DDX55: variants seen among roughly 807,000 people sequenced by gnomAD.
DDX55 encodes DEAD-box helicase 55.
DDX55 carries 56 observed loss-of-function variants against 69.2 expected under a neutral mutation model. The ratio of observed to expected loss-of-function variants is 0.81; its 90% CI spans 0.65 to 1.01. The LOEUF is 1.01. Among genes scored for constraint, DDX55 ranks in the 50% least tolerant of loss-of-function variants. DDX55 has a pLI of 0.00. For missense variants in DDX55, 720 were observed against 745.1 expected, an observed-to-expected ratio of 0.97 and a Z score of 0.39; for synonymous variants, 268 against 273.1, an observed-to-expected ratio of 0.98 and a Z score of 0.18.
intron 6 of DDX55, among the ~76,000 whole-genome samples, chr12:123,609,380 T>G (rs182490215): frequency 0.011 from 1,704 of 150,432 alleles, 18 homozygotes; most frequent in Middle Eastern, 0.045. Context: ...GTTTTTTTTT[T>G]TTTTTTTTTT....
chr12:123,603,666 A>T (rs987987417), intron 1 of DDX55, among the ~76,000 whole-genome samples: 5 of 152,108 alleles, frequency 3.3e-5, no homozygotes, highest in African/African-American at 1.2e-4. Flanking sequence ...CTGGGATTAC[A>T]GGCTGAGCTA....
Position 123,616,466 on chromosome 12 carries a change from A to C in DDX55, c.957-45A>C, listed in dbSNP as rs757827768. On this transcript the variant is annotated intron_variant, in intron 9 of 13. Transcript: ENST00000238146. ...TCAGTAGGCTGTTTGATGGTGATGA[A>C]GATGGTGGCCTCCTTACTCAGAATG... 3.8e-6 allele frequency: 6 copies of C among 1,571,646 alleles called. No homozygotes were observed. In the South Asian group the frequency reaches 6.6e-5, roughly 17 times the overall value.
chr12:123,617,279 A>G (rs1239479406), intron 10 of DDX55, among the ~76,000 whole-genome samples: 1 of 152,260 alleles, frequency 6.6e-6, no homozygotes, highest in Non-Finnish European at 1.5e-5. Context: ...GAAACACACA[A>G]TAGAATGTCT....
chr12:123,611,348 C>T (rs1020230715), intron 7 of DDX55, among the ~76,000 whole-genome samples: 2 of 152,084 alleles, frequency 1.3e-5, no homozygotes, highest in South Asian at 4.1e-4. Flanking sequence ...TGGGATGGGC[C>T]AGGAGGCACA....
intron 8 of DDX55, among the ~76,000 whole-genome samples, chr12:123,614,847 G>A (rs547871109): frequency 7.9e-5 from 12 of 152,282 alleles, no homozygotes; most frequent in African/African-American, 2.6e-4. Context: ...TGGCTAAGAT[G>A]TCATTGCTTT....
At chr12:123,618,418 A>G (rs771542267) in intron 11 of DDX55, 43 of 1,086,558 alleles carry the variant, frequency 4.0e-5, no homozygotes, top group Non-Finnish European at 5.6e-5. Context: ...ACTTCTTGTG[A>G]ATAGAGACCC....
rs934307332 is a variant in DDX55 at position 123,620,343 on chromosome 12, G to C, written c.*203G>C. ...CTAAAAACATTCCAGTCTTGGCCGG[G>C]TGCGGTGGCTCCTGCCTATAATCCC... On this transcript the variant is annotated 3_prime_UTR_variant, in exon 14 of 14. Coordinates refer to ENST00000238146, the MANE Select transcript of DDX55 (RefSeq NM_020936.3). 8.1e-5 allele frequency: 38 copies of C among 468,356 alleles called. No homozygotes were observed. Among genetic ancestry groups the C allele is most frequent in the African/African-American group, 6.3e-4 (32 of 50,964 alleles). 29.0% of individuals were successfully genotyped at this position (468,356 alleles called of 1,614,324 possible).
chr12:123,610,028 G>A lies in DDX55; in HGVS notation c.641G>A (p.Arg214Lys). ...ACGCAGGAAGTGGAGAACCTGGTGAGAGCGGGCCTCCGGAACCCTGTCCGG... is the reference window on the plus strand; with the variant it reads ...ACGCAGGAAGTGGAGAACCTGGTGAAAGCGGGCCTCCGGAACCCTGTCCGG... ...TQTQEVENLV[R>K]AGLRNPVRVS... The change falls in exon 7 of 14, where the codon AGA (arginine) becomes AAA (lysine). Residue 214 changes from arginine to lysine, a missense_variant. Transcript: ENST00000238146. 1.2e-6 allele frequency: 2 copies of A among 1,614,196 alleles called. No homozygotes were observed. Among genetic ancestry groups the A allele is most frequent in the Non-Finnish European group, 1.7e-6 (2 of 1,180,046 alleles).
chr12:123,605,824 G>A (rs890046372), intron 1 of DDX55, 107 bp from the exon 2 acceptor site: 1 of 1,463,160 alleles, frequency 6.8e-7, no homozygotes, highest in Non-Finnish European at 9.6e-7. Flanking sequence ...CCCTTTTGTG[G>A]TGGGACCCAC....
chr12:123,608,396 G>A (rs955060513), intron 5 of DDX55: 2 of 307,098 alleles, frequency 6.5e-6, no homozygotes, highest in Non-Finnish European at 1.2e-5. Context: ...AATGGGCGTG[G>A]TTTTCTGCCA....
chr12:123,616,158 T>C (rs1374999173), intron 9 of DDX55, among the ~76,000 whole-genome samples: 1 of 150,752 alleles, frequency 6.6e-6, no homozygotes, highest in Non-Finnish European at 1.5e-5. Flanking sequence ...ATTAAAAGTC[T>C]TCTTTTGGAC....
At chr12:123,615,356 A>G in intron 9 of DDX55, 40 bp downstream of exon 9, 5 of 1,608,620 alleles carry the variant, frequency 3.1e-6, no homozygotes, top group Non-Finnish European at 4.2e-6. Context: ...CTCCTGCCAC[A>G]CTGCTCTTTC....
intron 7 of DDX55, 50 bp from the exon 8 acceptor site, chr12:123,613,120 A>T (rs1458395811): frequency 1.3e-6 from 2 of 1,582,456 alleles, no homozygotes; most frequent in Non-Finnish European, 1.7e-6. Context: ...AGCCATGGGG[A>T]TTATTATTGC....
chr12:123,607,802 C>G (rs999531037), intron 5 of DDX55, 140 bp downstream of exon 5: 2 of 1,175,624 alleles, frequency 1.7e-6, no homozygotes, highest in African/African-American at 3.0e-5. Flanking sequence ...TCCAGGCCAG[C>G]TTCCCATTGT....
chr12:123,619,769 T>C (rs1955007604), intron 13 of DDX55, 45 bp downstream of exon 13: 3 of 1,536,200 alleles, frequency 2.0e-6, no homozygotes, highest in African/African-American at 1.4e-5. Context: ...CTTGAACAAA[T>C]TTATTGTAGT....
Position 123,617,861 on chromosome 12 carries a change from A to T in DDX55, c.1153A>T (p.Ile385Phe), listed in dbSNP as rs748310118. Residue 385 changes from isoleucine (I) to phenylalanine (F), a missense_variant, in exon 11 of 14, where the codon ATT becomes TTT. Transcript: ENST00000238146. ...MEESYINFLA[I>F]NQKCPLQEMK... ...AGAGTCATACATCAATTTCCTTGCA[A>T]TTAACCAAAAAGTAAGCTGCCGTCC... 1 of 1,614,108 alleles carries T rather than the reference A, an allele frequency of 6.2e-7. No individual in the cohort carries two copies. The highest frequency in any genetic ancestry group is 1.7e-5 in the Admixed American group (1 of 60,020).
chr12:123,607,953 A>C, intron 5 of DDX55: 1 of 467,162 alleles, frequency 2.1e-6, no homozygotes, highest in Non-Finnish European at 3.9e-6. Context: ...GCTGCCTTGA[A>C]TACTCAGCTC....
chr12:123,619,849 G>C (rs746455199), intron 13 of DDX55, 115 bp from the exon 14 acceptor site: 2 of 1,519,836 alleles, frequency 1.3e-6, no homozygotes, highest in Non-Finnish European at 1.7e-6. Flanking sequence ...TGGGGAATTT[G>C]CTCTATTTGC....
rs1954113378 is a variant in DDX55 at position 123,610,006 on chromosome 12, C to T, written c.619C>T (p.Gln207Ter). The T allele has an allele frequency of 4.3e-6, 7 of 1,614,034 alleles. No homozygotes were observed. Among genetic ancestry groups the T allele is most frequent in the Non-Finnish European group, 5.9e-6 (7 of 1,180,044 alleles). ...AGGCCTTTTCTCTGCCACTCAGACG[C>T]AGGAAGTGGAGAACCTGGTGAGAGC... ...RTGLFSATQT[Q>*]EVENLVRAGL... Residue 207 changes from glutamine to a stop codon, truncating the protein, a stop_gained, in exon 7 of 14, where the codon CAG becomes TAG. Transcript: ENST00000238146. LOFTEE classifies it high-confidence loss of function.
Sources: allele counts gnomAD v4.1 joint callset (sites outside exome capture counted in the v4.1 genomes callset), GRCh38; gene constraint gnomAD v4.1.1; transcripts MANE v1.5; gene names NCBI Gene and HGNC (gene_info 2026-07-23, HGNC 2026-07-21).